MDK: variants seen among roughly 807,000 people sequenced by gnomAD.
MDK encodes midkine.
In MDK, 17 loss-of-function variants were observed where a neutral mutation model predicts 18.9. That is an observed-to-expected ratio of 0.90 (90% CI 0.62 to 1.35). The LOEUF is 1.35. Among genes scored for constraint, MDK ranks in the 40% most tolerant of loss-of-function variants. The pLI is 0.00. For missense variants in MDK, 180 were observed against 186.3 expected (o/e 0.97, Z 0.20); for synonymous variants, 86 against 74.3 (o/e 1.16, Z -0.81).
chr11:46,382,247 A>AC (rs1245356573), intron 2 of MDK, 47 bp from the exon 3 acceptor site: 1 of 1,603,836 alleles, frequency 6.2e-7, no homozygotes, highest in East Asian at 2.2e-5. Flanking sequence ...CTCCCGAGGG[A>AC]GTCTCCCCGT....
chr11:46,382,099 G>T lies in MDK; in HGVS notation c.42G>T (p.Leu14=). ...TCCTCCTCCTCACCCTCCTCGCCCT[G>T]CTGGCGCTCACCTCCGCGGTCGCCA... ...RGFLLLTLLA[L]LALTSAVAKK... The change falls in exon 2 of 5, where the codon CTG becomes CTT. Residue 14 remains leucine, a synonymous_variant. Coordinates refer to ENST00000395566, the MANE Select transcript of MDK (RefSeq NM_002391.6). The T allele has an allele frequency of 6.2e-7, 1 of 1,610,650 alleles. No homozygotes were observed. Among genetic ancestry groups the T allele is most frequent in the East Asian group, 2.2e-5 (1 of 44,820 alleles).
chr11:46,382,787 G>GGGGGGGGGGGGCGC, intron 4 of MDK, 39 bp downstream of exon 4: 1 of 1,498,516 alleles, frequency 6.7e-7, no homozygotes, highest in Non-Finnish European at 8.9e-7. Context: ...GTCGCGGGGG[G>GGGGGGGGGGGGCGC]CTGCCCCCCC....
upstream of MDK, chr11:46,381,557 GCGGGGGCGGGGACGCCGGGGT>G (rs1298382775): frequency 3.4e-5 from 5 of 147,456 alleles, no homozygotes; most frequent in Non-Finnish European, 6.0e-5. Flanking sequence ...GCGGGCTGGA[GCGGGGGCGGGGACGCCGGGGT>G]CGGGGGCGGT....
chr11:46,383,695 A>G lies in MDK; in HGVS notation c.*201A>G, dbSNP rs748332595. On this transcript the variant is annotated 3_prime_UTR_variant, in exon 5 of 5. Coordinates refer to ENST00000395566, the MANE Select transcript of MDK (RefSeq NM_002391.6). ...TGGGGAGGGACAAGGGATTCTGGGAAGCTTGAGCCTCCCCCAAAGCAATGT... is the reference window on the plus strand; with the variant it reads ...TGGGGAGGGACAAGGGATTCTGGGAGGCTTGAGCCTCCCCCAAAGCAATGT... 1 of 688,156 alleles carries G rather than the reference A, an allele frequency of 1.5e-6. No homozygotes were observed. Among genetic ancestry groups the G allele is most frequent in the South Asian group, 1.5e-5 (1 of 66,776 alleles). 42.6% of individuals were successfully genotyped at this position (688,156 alleles called of 1,614,324 possible).
chr11:46,382,796 C>G (rs746492125), intron 4 of MDK, 48 bp downstream of exon 4: 1 of 1,475,356 alleles, frequency 6.8e-7, no homozygotes, highest in South Asian at 1.2e-5. Context: ...GGCTGCCCCC[C>G]CCCCCCCCCG....
At position 46,382,574 on chromosome 11, in the gene MDK, G is replaced by A. The variant is rs375682194; in HGVS notation, c.245-13G>A. 2.6e-4 allele frequency: 412 copies of A among 1,602,068 alleles called. 1 individual carries two copies. The highest frequency in any genetic ancestry group is 3.1e-4 in the Non-Finnish European group (366 of 1,173,892). The stretch of plus-strand genomic sequence containing the variant: ...GGGCCGCGCAGCGCTGACCTGGGCC[G>A]CTCTCTCGCCAGCCGACTGCAAGTA... On this transcript the variant is annotated splice_polypyrimidine_tract_variant and intron_variant, in intron 3 of 4. Coordinates refer to ENST00000395566, the MANE Select transcript of MDK (RefSeq NM_002391.6).
At chr11:46,383,424 G>C in intron 4 of MDK, 45 bp from the exon 5 acceptor site, 1 of 1,515,234 alleles carries the variant, frequency 6.6e-7, no homozygotes, top group South Asian at 1.3e-5. Context: ...CAATGGGTCA[G>C]CCTAACTGCT....
In MDK at chr11:46,382,087, C is replaced by T. The variant is rs949657399; in HGVS notation, c.30C>T (p.Thr10=). MQHRGFLLL[T]LLALLALTSA... is the part of the protein sequence containing the mutation. ...AGCACCGAGGCTTCCTCCTCCTCAC[C>T]CTCCTCGCCCTGCTGGCGCTCACCT... The change falls in exon 2 of 5, where the codon ACC becomes ACT. Residue 10 remains threonine (T), a synonymous_variant. Transcript: ENST00000395566. 6.8e-6 allele frequency: 11 copies of T among 1,610,306 alleles called. No homozygotes were observed. Among genetic ancestry groups the T allele is most frequent in the Non-Finnish European group, 9.3e-6 (11 of 1,178,992 alleles).
In MDK at chr11:46,381,902, G is replaced by C. The variant is rs957117102; in HGVS notation, c.-2+144G>C. 4.0e-6 allele frequency: 3 copies of C among 746,724 alleles called. No homozygotes were observed. In the African/African-American group the frequency reaches 5.3e-5, roughly 13 times the overall value. The allele number at this position is 746,724 out of a possible 1,614,324, so 46.3% of individuals were successfully genotyped here. A position where few individuals can be genotyped will look rare whatever the true frequency, so the allele number is the denominator to read the frequency against. On this transcript the variant is annotated intron_variant, in intron 1 of 4. Transcript: ENST00000395566. ...CTCTTAGCGGTGCGTCCGGGCTAGC[G>C]GCGAGGGGCCGCCCCAAGTCTTCCC...
At chr11:46,383,828 A>G (rs1945298875), downstream of MDK, 4 of 399,196 alleles carry the variant, frequency 1.0e-5, no homozygotes, top group South Asian at 6.3e-5. Context: ...TTAATATATA[A>G]AAGCCCCTTC....
upstream of MDK, chr11:46,381,589 G>A (rs1252076568): frequency 7.1e-6 from 1 of 140,032 alleles, no homozygotes; most frequent in East Asian, 2.2e-4. Context: ...CGGGGGCGGT[G>A]CGGGTTTGAG....
Position 46,382,125 on chromosome 11 carries a change from A to G in MDK, c.68A>G (p.Lys23Arg), listed in dbSNP as rs905461958. 1.9e-6 allele frequency: 3 copies of G among 1,611,148 alleles called. No individual in the cohort carries two copies. Among genetic ancestry groups the G allele is most frequent in the African/African-American group, 1.3e-5 (1 of 74,888 alleles). ...CTGGCGCTCACCTCCGCGGTCGCCAAAAAGAAAGGTGATGGGGGATGATCG... is the reference window on the plus strand; with the variant it reads ...CTGGCGCTCACCTCCGCGGTCGCCAGAAAGAAAGGTGATGGGGGATGATCG... ...ALLALTSAVA[K>R]KKDKVKKGGP... The change falls in exon 2 of 5, where the codon AAA becomes AGA. Residue 23 changes from lysine to arginine, a missense_variant. By Grantham distance (26) the Lys-to-Arg change is conservative. Transcript: ENST00000395566.
chr11:46,382,967 A>T (rs963278676), intron 4 of MDK: 85 of 603,644 alleles, frequency 1.4e-4, no homozygotes, highest in Non-Finnish European at 1.7e-4. Flanking sequence ...CCCTGGCCCA[A>T]ATAGGGACCA....
intron 4 of MDK, 69 bp downstream of exon 4, chr11:46,382,817 G>A: frequency 1.3e-6 from 2 of 1,513,454 alleles, no homozygotes; most frequent in Non-Finnish European, 1.8e-6. Flanking sequence ...CCTGTGAGGG[G>A]ACAATTCCAA....
chr11:46,382,822 T>G, intron 4 of MDK, 74 bp downstream of exon 4: 2 of 1,456,468 alleles, frequency 1.4e-6, no homozygotes, highest in Non-Finnish European at 9.2e-7. Flanking sequence ...GAGGGGACAA[T>G]TCCAAGTTAA....
chr11:46,381,957 G>C, intron 1 of MDK, 100 bp from the exon 2 acceptor site: 1 of 1,296,704 alleles, frequency 7.7e-7, no homozygotes, highest in Non-Finnish European at 1.1e-6. Context: ...CCCGACTTGG[G>C]GCCTGGAAAG....
upstream of MDK, chr11:46,381,214 A>C (rs1945154087): frequency 6.6e-6 from 1 of 152,356 alleles, no homozygotes; most frequent in African/African-American, 2.4e-5. Flanking sequence ...AGCAGCCAGC[A>C]GGGCGCCAGG....
chr11:46,382,149 C>A lies in MDK; in HGVS notation c.76+16C>A, dbSNP rs776013415. The A allele has an allele frequency of 6.2e-7, 1 of 1,610,404 alleles. No individual in the cohort carries two copies. Among genetic ancestry groups the A allele is most frequent in the Non-Finnish European group, 8.5e-7 (1 of 1,178,876 alleles). On this transcript the variant is annotated intron_variant, in intron 2 of 4. Transcript: ENST00000395566. ...AAAAAGAAAGGTGATGGGGGATGATCGAAGGAGGGCTGGGGACGGGCAGGC... is the reference window on the plus strand; with the variant it reads ...AAAAAGAAAGGTGATGGGGGATGATAGAAGGAGGGCTGGGGACGGGCAGGC...
intron 1 of MDK, 39 bp from the exon 2 acceptor site, chr11:46,382,018 G>A: frequency 7.0e-6 from 11 of 1,566,046 alleles, no homozygotes; most frequent in Non-Finnish European, 9.5e-6. Context: ...GGTGGGGAAG[G>A]GGACGGGCCA....
Sources: allele counts gnomAD v4.1 joint callset, GRCh38; gene constraint gnomAD v4.1.1; transcripts MANE v1.5; gene names NCBI Gene and HGNC (gene_info 2026-07-23, HGNC 2026-07-21).